The following LEF1 variants were observed in gnomAD, a reference collection of about 807,000 sequenced individuals.
LEF1 encodes the protein lymphoid enhancer binding factor 1.
Under a neutral mutation model 51.2 loss-of-function variants are expected in LEF1, and 14 were observed. The ratio of observed to expected loss-of-function variants is 0.27; its 90% CI spans 0.18 to 0.43. The LOEUF is 0.43. Among genes scored for constraint, LEF1 ranks in the 20% least tolerant of loss-of-function variants. The probability of loss-of-function intolerance (pLI) is 1.00; values close to 1 mark genes in which losing one functional copy is unlikely to be tolerated. For missense variants in LEF1, 386 were observed against 512.0 expected (o/e 0.75, Z 2.37); for synonymous variants, 185 against 183.2 (o/e 1.01, Z -0.08).
intron 11 of LEF1, among the ~76,000 whole-genome samples, chr4:108,051,892 G>A (rs1299812097): frequency 1.3e-5 from 2 of 152,168 alleles, no homozygotes; most frequent in Admixed American, 6.5e-5. Context: ...CTGTTTCTGG[G>A]AGGTCAACAG....
chr4:108,110,494 A>C (rs1741459852), intron 3 of LEF1, among the ~76,000 whole-genome samples: 2 of 152,170 alleles, frequency 1.3e-5, no homozygotes, highest in Non-Finnish European at 2.9e-5. Flanking sequence ...AAGCAAAAAA[A>C]CACAATGGAG....
At chr4:108,074,197 C>G (rs1560769801) in intron 8 of LEF1, among the ~76,000 whole-genome samples, 1 of 152,178 alleles carries the variant, frequency 6.6e-6, no homozygotes, top group Non-Finnish European at 1.5e-5. Context: ...ACAGGAATTT[C>G]TGAAACACAA....
At chr4:108,095,526 C>G (rs986092235) in intron 3 of LEF1, among the ~76,000 whole-genome samples, 1 of 152,072 alleles carries the variant, frequency 6.6e-6, no homozygotes, top group Non-Finnish European at 1.5e-5. Flanking sequence ...TCCAAACTAC[C>G]CCCCAACCAA....
chr4:108,080,589 T>C (rs552520251), intron 6 of LEF1, among the ~76,000 whole-genome samples: 105 of 152,342 alleles, frequency 6.9e-4, no homozygotes, highest in African/African-American at 2.3e-3. Context: ...ATGTATTACT[T>C]GCAAAAATAC....
rs1193240414 is a variant in LEF1, at chr4:108,099,566, G to GTATATATATATATA, written c.415-10310_415-10309insTATATATATATATA. Among the ~76,000 whole-genome samples the GTATATATATATATA allele has an allele frequency of 6.2e-3, 454 of 72,870 alleles. 26 individuals are homozygous for GTATATATATATATA. The highest frequency in any genetic ancestry group is 0.024 in the African/African-American group (406 of 16,992). 47.8% of individuals were successfully genotyped at this position (72,870 alleles called of 152,430 possible). A position where few individuals can be genotyped will look rare whatever the true frequency, so the allele number is the denominator to read the frequency against. On this transcript the variant is annotated intron_variant, in intron 3 of 11. Transcript: ENST00000265165. ...TATGTGTGTGTGTGTATGTGTGTGT[G>GTATATATATATATA]TGTGTATATATATATATATATATAT...
chr4:108,092,344 A>G (rs574852017), intron 3 of LEF1, among the ~76,000 whole-genome samples: 31 of 152,368 alleles, frequency 2.0e-4, no homozygotes, highest in African/African-American at 6.5e-4. Flanking sequence ...AAATTTCAAT[A>G]GCATGTGTGA....
intron 3 of LEF1, among the ~76,000 whole-genome samples, chr4:108,135,238 C>G (rs1036441759): frequency 1.3e-5 from 2 of 152,170 alleles, no homozygotes; most frequent in Non-Finnish European, 2.9e-5. Flanking sequence ...AAGCTACAGA[C>G]CACTCCTATC....
chr4:108,099,534 A>G (rs7667837), intron 3 of LEF1, among the ~76,000 whole-genome samples: 96,079 of 114,520 alleles, frequency 0.84, 41,721 homozygotes, highest in East Asian at 0.96. Context: ...ATATATATAT[A>G]TGTGTATATG....
intron 9 of LEF1, chr4:108,070,407 A>G (rs923732397): frequency 4.2e-5 from 12 of 287,258 alleles, no homozygotes; most frequent in Non-Finnish European, 7.0e-5. Context: ...TTCTTTTATC[A>G]AATTTTAATA....
intron 4 of LEF1, among the ~76,000 whole-genome samples, chr4:108,087,495 G>A (rs1430633709): frequency 6.6e-6 from 1 of 151,988 alleles, no homozygotes; most frequent in Non-Finnish European, 1.5e-5. Context: ...GGTGGCAGTA[G>A]GAGATGGAAA....
At chr4:108,121,225 A>G (rs780113814) in intron 3 of LEF1, among the ~76,000 whole-genome samples, 1 of 152,230 alleles carries the variant, frequency 6.6e-6, no homozygotes, top group Non-Finnish European at 1.5e-5. Context: ...AAGAACTTCT[A>G]CTACAGTTGG....
At chr4:108,092,102 C>T (rs1418099426) in intron 3 of LEF1, among the ~76,000 whole-genome samples, 1 of 152,182 alleles carries the variant, frequency 6.6e-6, no homozygotes, top group Admixed American at 6.5e-5. Context: ...AGCTCAGAAT[C>T]TGGTGCCATG....
At chr4:108,070,160 TA>T (rs1395428807) in intron 9 of LEF1, among the ~76,000 whole-genome samples, 1 of 151,958 alleles carries the variant, frequency 6.6e-6, no homozygotes, top group African/African-American at 2.4e-5. Context: ...TAAGATTAAA[TA>T]AATTGTGAAA....
intron 3 of LEF1, among the ~76,000 whole-genome samples, chr4:108,099,580 A>ATATATATATATATGTGTG (rs1740651050): frequency 2.7e-5 from 1 of 37,034 alleles, no homozygotes; most frequent in East Asian, 5.2e-4. Flanking sequence ...GTATATATAT[A>ATATATATATATATGTGTG]TATATATATA....
intron 3 of LEF1, among the ~76,000 whole-genome samples, chr4:108,099,292 A>C (rs1373525598): frequency 6.6e-6 from 1 of 151,916 alleles, no homozygotes; most frequent in Non-Finnish European, 1.5e-5. Context: ...CAGTTTAAAA[A>C]TTTGTAGGTG....
At chr4:108,058,635 C>T (rs1285856309) in intron 11 of LEF1, among the ~76,000 whole-genome samples, 1 of 152,146 alleles carries the variant, frequency 6.6e-6, no homozygotes, top group Non-Finnish European at 1.5e-5. Context: ...GATTTCACTC[C>T]GATTTATATA....
intron 3 of LEF1, among the ~76,000 whole-genome samples, chr4:108,092,686 C>T (rs1210126275): frequency 8.7e-6 from 1 of 115,118 alleles, no homozygotes; most frequent in Non-Finnish European, 2.2e-5. Context: ...GAAGAATAAT[C>T]AACCAACTAT....
At chr4:108,157,221 A>ACACACACACACACACACACACACACAC (rs1430240760) in intron 3 of LEF1, among the ~76,000 whole-genome samples, 1 of 51,502 alleles carries the variant, frequency 1.9e-5, no homozygotes, top group Non-Finnish European at 4.5e-5. Context: ...CACACACACA[A>ACACACACACACACACACACACACACAC]ACACACATAT....
intron 3 of LEF1, among the ~76,000 whole-genome samples, chr4:108,127,900 G>A (rs1337746091): frequency 6.6e-6 from 1 of 152,122 alleles, no homozygotes; most frequent in Non-Finnish European, 1.5e-5. Flanking sequence ...TTTTTCTGGA[G>A]TTTCCACATG....
Sources: gnomAD v4.1 joint callset for allele counts (sites outside exome capture counted in the v4.1 genomes callset) on GRCh38, gnomAD v4.1.1 for gene constraint, MANE v1.5 for transcripts, NCBI Gene and HGNC (gene_info 2026-07-23, HGNC 2026-07-21) for gene names.